The following RAPGEF4 variants were observed in gnomAD, a reference collection of about 807,000 sequenced individuals.
The protein encoded by RAPGEF4 is Rap guanine nucleotide exchange factor 4.
RAPGEF4 carries 66 observed loss-of-function variants against 147.9 expected under a neutral mutation model. That is an observed-to-expected ratio of 0.45 (90% CI 0.37 to 0.55). RAPGEF4 has a LOEUF of 0.55. RAPGEF4 is among the 20% of genes least tolerant of loss of function. The pLI, the probability that RAPGEF4 is intolerant of heterozygous loss-of-function variation, is 0.00. For synonymous variants in RAPGEF4, 419 were observed against 442.7 expected (o/e 0.95, Z 0.67); for missense variants, 1,071 against 1,257.3 (o/e 0.85, Z 2.24).
intron 3 of RAPGEF4, among the ~76,000 whole-genome samples, chr2:172,810,617 T>C (rs1321951953): frequency 6.6e-6 from 1 of 152,186 alleles, no homozygotes; most frequent in East Asian, 1.9e-4. Context: ...AGAGGCGATT[T>C]TGTGTGTGTG....
At chr2:172,944,795 G>C (rs1196796599) in intron 6 of RAPGEF4, among the ~76,000 whole-genome samples, 1 of 152,120 alleles carries the variant, frequency 6.6e-6, no homozygotes, top group Admixed American at 6.5e-5. Context: ...TATGTCCACA[G>C]TTTAAGTTCC....
intron 29 of RAPGEF4, among the ~76,000 whole-genome samples, chr2:173,044,661 G>T (rs771228225): frequency 5.3e-5 from 8 of 152,166 alleles, no homozygotes; most frequent in Non-Finnish European, 1.2e-4. Flanking sequence ...CCGAAGACCT[G>T]TACTTAGGAT....
intron 4 of RAPGEF4, among the ~76,000 whole-genome samples, chr2:172,836,519 A>G (rs1437267693): frequency 6.6e-6 from 1 of 152,158 alleles, no homozygotes; most frequent in Non-Finnish European, 1.5e-5. Flanking sequence ...GAATAATAAC[A>G]CTGCTTAGGT....
At chr2:172,746,302 T>C (rs1196363633) in intron 1 of RAPGEF4, among the ~76,000 whole-genome samples, 1 of 152,222 alleles carries the variant, frequency 6.6e-6, no homozygotes, top group South Asian at 2.1e-4. Flanking sequence ...CAAACAAGAA[T>C]GTGTAACTTA....
chr2:172,949,478 C>T (rs1688002025), intron 6 of RAPGEF4, among the ~76,000 whole-genome samples: 1 of 152,068 alleles, frequency 6.6e-6, no homozygotes, highest in African/African-American at 2.4e-5. Flanking sequence ...ATCAGGAATA[C>T]CCTAACCCGA....
chr2:172,943,083 ACG>A (rs1687331011), intron 6 of RAPGEF4, among the ~76,000 whole-genome samples: 2 of 152,094 alleles, frequency 1.3e-5, no homozygotes, highest in East Asian at 3.9e-4. Context: ...AGGGGAACAC[ACG>A]TTTTAGGCAG....
intron 10 of RAPGEF4, among the ~76,000 whole-genome samples, chr2:172,973,097 CTTTTTTTTTCTTTTTT>C (rs923334564): frequency 5.1e-4 from 59 of 114,770 alleles, no homozygotes; most frequent in African/African-American, 1.4e-3. Flanking sequence ...TTTCAAGCCC[CTTTTTTTTTCTTTTTT>C]TTTTTTTTTC....
chr2:172,879,413 T>A (rs1365213337), intron 4 of RAPGEF4, among the ~76,000 whole-genome samples: 1 of 152,232 alleles, frequency 6.6e-6, no homozygotes, highest in East Asian at 1.9e-4. Flanking sequence ...TAAAGTCATG[T>A]AATACTATAT....
At chr2:172,944,054 C>T (rs1339162343) in intron 6 of RAPGEF4, among the ~76,000 whole-genome samples, 1 of 152,106 alleles carries the variant, frequency 6.6e-6, no homozygotes, top group Non-Finnish European at 1.5e-5. Flanking sequence ...AAAATAAAAA[C>T]ACTTAATACA....
At chr2:172,792,423 AG>A (rs935669781) in intron 1 of RAPGEF4, among the ~76,000 whole-genome samples, 12 of 152,214 alleles carry the variant, frequency 7.9e-5, no homozygotes, top group African/African-American at 2.7e-4. Flanking sequence ...CCCCAAGTCA[AG>A]CCTGCACATC....
At chr2:172,846,712 G>T (rs146928322) in intron 4 of RAPGEF4, among the ~76,000 whole-genome samples, 1 of 152,156 alleles carries the variant, frequency 6.6e-6, no homozygotes, top group Non-Finnish European at 1.5e-5. Flanking sequence ...TGAGATTTCC[G>T]CTTTACTGTA....
chr2:172,920,234 A>AT (rs1047714179), intron 5 of RAPGEF4, among the ~76,000 whole-genome samples: 2 of 151,852 alleles, frequency 1.3e-5, no homozygotes, highest in Non-Finnish European at 2.9e-5. Flanking sequence ...TATTTTTGAC[A>AT]TTTTTTTTCT....
Position 173,014,527 on chromosome 2 carries a change from G to A in RAPGEF4, c.1722G>A (p.Lys574=), listed in dbSNP as rs1205742871. The A allele has an allele frequency of 6.2e-7, 1 of 1,614,096 alleles. No homozygotes were observed. The highest frequency in any genetic ancestry group is 8.5e-7 in the Non-Finnish European group (1 of 1,179,992). ...AAATGGATTATGCCCTCAACAATAAGAGGCGAGTCATCCGCCTGGTTCTAC... is the reference window on the plus strand; with the variant it reads ...AAATGGATTATGCCCTCAACAATAAAAGGCGAGTCATCCGCCTGGTTCTAC... ...QEKMDYALNN[K]RRVIRLVLQW... The change falls in exon 18 of 31, where the codon AAG becomes AAA. Residue 574 remains lysine (K), a synonymous_variant. Transcript: ENST00000397081.
chr2:172,930,106 A>C (rs1685762934), intron 6 of RAPGEF4, among the ~76,000 whole-genome samples: 1 of 152,146 alleles, frequency 6.6e-6, no homozygotes, highest in East Asian at 1.9e-4. Context: ...GTAGCCCCAC[A>C]GAGGAGGCAA....
intron 29 of RAPGEF4, among the ~76,000 whole-genome samples, chr2:173,037,486 T>A (rs1442900347): frequency 2.0e-5 from 3 of 152,224 alleles, no homozygotes; most frequent in Non-Finnish European, 2.9e-5. Context: ...GAAAGCAAGG[T>A]TATCTGGCTT....
chr2:172,815,843 T>G (rs912783841), intron 4 of RAPGEF4, among the ~76,000 whole-genome samples: 1 of 152,204 alleles, frequency 6.6e-6, no homozygotes, highest in Admixed American at 6.5e-5. Flanking sequence ...GGTTGCTACC[T>G]GTGAACATTA....
chr2:172,986,147 G>A (rs556702178), intron 12 of RAPGEF4, among the ~76,000 whole-genome samples: 38 of 152,340 alleles, frequency 2.5e-4, no homozygotes, highest in Middle Eastern at 3.4e-3. Flanking sequence ...AACAAACAGG[G>A]TTAGTGATCT....
At chr2:173,011,010 C>T (rs954545364) in intron 17 of RAPGEF4, among the ~76,000 whole-genome samples, 28 of 152,214 alleles carry the variant, frequency 1.8e-4, no homozygotes, top group African/African-American at 6.5e-4. Context: ...ACTGAACTTT[C>T]GTGAGAAAAG....
At chr2:172,744,855 G>T (rs1420556099) in intron 1 of RAPGEF4, among the ~76,000 whole-genome samples, 1 of 152,034 alleles carries the variant, frequency 6.6e-6, no homozygotes, top group Admixed American at 6.5e-5. Flanking sequence ...AAATTATTGA[G>T]ATGATTATAT....
Sources: gnomAD v4.1 joint callset for allele counts (sites outside exome capture counted in the v4.1 genomes callset) on GRCh38, gnomAD v4.1.1 for gene constraint, MANE v1.5 for transcripts, NCBI Gene and HGNC (gene_info 2026-07-23, HGNC 2026-07-21) for gene names.